The following NYAP2 variants were observed in gnomAD, a reference collection of about 807,000 sequenced individuals.
NYAP2 encodes neuronal tyrosine-phosphorylated phosphoinositide-3-kinase adaptor 2.
NYAP2 carries 23 observed loss-of-function variants against 50.4 expected under a neutral mutation model. The ratio of observed to expected loss-of-function variants is 0.46; its 90% CI spans 0.33 to 0.65. The LOEUF is 0.65. Ranked by LOEUF, NYAP2 falls within the 30% of genes least tolerant of loss-of-function variation. NYAP2 has a pLI of 0.02. For synonymous variants in NYAP2, 394 were observed against 365.2 expected (o/e 1.08, Z -0.90); for missense variants, 885 against 861.0 (o/e 1.03, Z -0.35).
intron 3 of NYAP2, among the ~76,000 whole-genome samples, chr2:225,444,996 A>G (rs1325556716): frequency 6.6e-6 from 1 of 152,144 alleles, no homozygotes; most frequent in Non-Finnish European, 1.5e-5. Context: ...TCTGTTACTG[A>G]CTTGGCTATG....
exon 4 of NYAP2, chr2:225,513,555 C>T (rs1349573850): frequency 3.7e-6 from 6 of 1,608,858 alleles, no homozygotes; most frequent in African/African-American, 2.7e-5. Flanking sequence ...CTGTGGCTCA[C>T]GGAGACAACC....
chr2:225,403,184 T>C (rs927739740), intron 2 of NYAP2, among the ~76,000 whole-genome samples: 3 of 151,968 alleles, frequency 2.0e-5, no homozygotes, highest in Non-Finnish European at 2.9e-5. Flanking sequence ...ATTCTCTACC[T>C]CAAAGAAGAT....
chr2:225,505,411 G>A (rs989926297), intron 3 of NYAP2, among the ~76,000 whole-genome samples: 1 of 152,162 alleles, frequency 6.6e-6, no homozygotes, highest in African/African-American at 2.4e-5. Context: ...GGGTAATGGT[G>A]AGTAAACAAT....
At chr2:225,541,054 C>A (rs1691460435) in intron 4 of NYAP2, among the ~76,000 whole-genome samples, 2 of 152,018 alleles carry the variant, frequency 1.3e-5, no homozygotes, top group African/African-American at 4.8e-5. Context: ...ATGTTGGACA[C>A]CTTTTCATAT....
intron 4 of NYAP2, among the ~76,000 whole-genome samples, chr2:225,558,457 C>T (rs1453941318): frequency 6.6e-6 from 1 of 152,124 alleles, no homozygotes; most frequent in Non-Finnish European, 1.5e-5. Context: ...TTATGACCCC[C>T]GTCCTCCATC....
At position 225,645,849 on chromosome 2, in the gene NYAP2, G is replaced by A. The variant is rs184002717; in HGVS notation, c.1829-5583G>A. On this transcript the variant is annotated intron_variant, in intron 6 of 6. Coordinates refer to ENST00000636099, the Ensembl canonical transcript of NYAP2. ...AGCCTCACCGTTCAAGTCTCAAAGA[G>A]CATTGCATTTCCAAAGGTAGGTGAG... Among the ~76,000 whole-genome samples the A allele has an allele frequency of 2.9e-4, 44 of 152,288 alleles. No individual in the cohort carries two copies. In the East Asian group the frequency reaches 8.1e-3, roughly 28 times the overall value.
intron 6 of NYAP2, among the ~76,000 whole-genome samples, chr2:225,631,009 T>G (rs1311482048): frequency 2.6e-5 from 4 of 152,182 alleles, no homozygotes; most frequent in African/African-American, 9.7e-5. Flanking sequence ...GAGACTAGAC[T>G]CCTTTGGCGT....
At chr2:225,661,671 C>A in the NYAP2 span, among the ~76,000 whole-genome samples, 3 of 152,036 alleles carry the variant, frequency 2.0e-5, no homozygotes, top group African/African-American at 7.2e-5. Flanking sequence ...TCTATCAAAC[C>A]CCTGCTTTAT....
intron 3 of NYAP2, among the ~76,000 whole-genome samples, chr2:225,504,321 C>T (rs1690664668): frequency 2.0e-5 from 3 of 152,080 alleles, no homozygotes; most frequent in South Asian, 4.1e-4. Context: ...AATGAGGGCC[C>T]TAATTTCATT....
chr2:225,674,476 G>A, the NYAP2 span, among the ~76,000 whole-genome samples: 1 of 152,008 alleles, frequency 6.6e-6, no homozygotes, highest in Non-Finnish European at 1.5e-5. Flanking sequence ...ATATTTGCCC[G>A]CTGGGACTTT....
At chr2:225,665,967 T>C in the NYAP2 span, among the ~76,000 whole-genome samples, 14 of 151,300 alleles carry the variant, frequency 9.3e-5, no homozygotes, top group Non-Finnish European at 1.9e-4. Context: ...TTGGGTGGAG[T>C]GGCTAGACCT....
chr2:225,675,203 C>G, the NYAP2 span, among the ~76,000 whole-genome samples: 1 of 151,946 alleles, frequency 6.6e-6, no homozygotes, highest in Non-Finnish European at 1.5e-5. Context: ...GGGTAAATTG[C>G]CGATGCCGAG....
At chr2:225,619,439 GGTGGTGAGGATTTATA>G (rs1390245187) in intron 5 of NYAP2, among the ~76,000 whole-genome samples, 1 of 152,222 alleles carries the variant, frequency 6.6e-6, no homozygotes, top group Non-Finnish European at 1.5e-5. Flanking sequence ...GAGATCTTCA[GGTGGTGAGGATTTATA>G]AGAATCTTCA....
intron 2 of NYAP2, among the ~76,000 whole-genome samples, chr2:225,406,375 C>A (rs2106117438): frequency 6.6e-6 from 1 of 152,004 alleles, no homozygotes; most frequent in South Asian, 2.1e-4. Context: ...AAAAATATTT[C>A]TTGTTCACCC....
chr2:225,538,378 G>C (rs912304648), intron 4 of NYAP2, among the ~76,000 whole-genome samples: 17 of 152,308 alleles, frequency 1.1e-4, no homozygotes, highest in Non-Finnish European at 2.4e-4. Flanking sequence ...AAACTAGGTG[G>C]GGGTTCCCAA....
intron 3 of NYAP2, among the ~76,000 whole-genome samples, chr2:225,454,192 G>A (rs1005260113): frequency 3.0e-4 from 45 of 152,016 alleles, no homozygotes; most frequent in African/African-American, 1.0e-3. Context: ...TGGGCATTAT[G>A]GCATGTGCCT....
chr2:225,530,272 C>T (rs2106196703), intron 4 of NYAP2, among the ~76,000 whole-genome samples: 1 of 152,220 alleles, frequency 6.6e-6, no homozygotes, highest in African/African-American at 2.4e-5. Context: ...GTGGCTCCTT[C>T]AGGCCACCGT....
chr2:225,599,645 C>T (rs761245088), intron 5 of NYAP2, among the ~76,000 whole-genome samples: 1 of 152,168 alleles, frequency 6.6e-6, no homozygotes, highest in East Asian at 1.9e-4. Flanking sequence ...TTCCAGCACA[C>T]TAAGCTAAAG....
At chr2:225,686,032 C>A in the NYAP2 span, among the ~76,000 whole-genome samples, 1 of 152,066 alleles carries the variant, frequency 6.6e-6, no homozygotes, top group Admixed American at 6.5e-5. Flanking sequence ...TTACTTATTA[C>A]ACCTGTATGT....
Sources: allele counts gnomAD v4.1 joint callset (sites outside exome capture counted in the v4.1 genomes callset), GRCh38; gene constraint gnomAD v4.1.1; transcripts MANE v1.5; gene names NCBI Gene and HGNC (gene_info 2026-07-23, HGNC 2026-07-21).